Variants in LAMC3 observed in about 807,000 individuals in gnomAD.
LAMC3 encodes the protein laminin subunit gamma-3.
Under a neutral mutation model 173.8 loss-of-function variants are expected in LAMC3, and 128 were observed. The observed-to-expected ratio is 0.74, with a 90% CI of 0.64 to 0.85. The LOEUF is 0.85. Among genes scored for constraint, LAMC3 ranks in the 40% least tolerant of loss-of-function variants. LAMC3 has a pLI of 0.00. For synonymous variants in LAMC3, 897 were observed against 909.1 expected (o/e 0.99, Z 0.24); for missense variants, 2,022 against 2,156.0 (o/e 0.94, Z 1.23).
chr9:131,026,506 C>T lies in LAMC3; in HGVS notation c.595C>T (p.Pro199Ser). The T allele has an allele frequency of 1.2e-6, 2 of 1,613,220 alleles. No individual in the cohort carries two copies. The highest frequency in any genetic ancestry group is 1.7e-6 in the Non-Finnish European group (2 of 1,179,880). ...CACCTCTGAGTTCAGCGACATCTCC[C>T]CGCTGAGTGGCGGCAACGTGGCCTT... Reference protein sequence around the residue: ...FCTSEFSDISPLSGGNVAFST... With the variant: ...FCTSEFSDISSLSGGNVAFST... Residue 199 changes from proline to serine, a missense_variant, in exon 2 of 28, where the codon CCG (proline) becomes TCG (serine). Pro to Ser is a moderately conservative substitution (Grantham distance 74). Coordinates refer to ENST00000361069, the MANE Select transcript of LAMC3 (RefSeq NM_006059.4). The surrounding 1 kb of genome is among the most constrained non-coding windows in gnomAD (Gnocchi z 4.8).
In LAMC3 at chr9:131,026,458, G is replaced by A. The variant is rs1010124787; in HGVS notation, c.547G>A (p.Glu183Lys). Residue 183 changes from glutamate (E) to lysine (K), a missense_variant, in exon 2 of 28, where the codon GAG becomes AAG. Transcript: ENST00000361069. The surrounding 1 kb of genome is among the most constrained non-coding windows in gnomAD (Gnocchi z 4.8). Reference protein sequence around the residue: ...RPEGQYLRPGEDERVAFCTSE... With the variant: ...RPEGQYLRPGKDERVAFCTSE... The stretch of plus-strand genomic sequence containing the variant: ...CGAGGGCCAGTACCTGCGCCCCGGC[G>A]AGGACGAGCGCGTGGCCTTCTGCAC... The A allele has an allele frequency of 8.1e-6, 13 of 1,613,584 alleles. No homozygotes were observed. The highest frequency in any genetic ancestry group is 1.7e-5 in the Admixed American group (1 of 60,002).
chr9:131,083,335 A>G (rs1464825433), intron 24 of LAMC3, among the ~76,000 whole-genome samples: 1 of 152,136 alleles, frequency 6.6e-6, no homozygotes, highest in Non-Finnish European at 1.5e-5. Context: ...AGGAGGGCTA[A>G]CCTCAAACCT....
In LAMC3 at chr9:131,051,680, G is replaced by A. The variant is rs138473090; in HGVS notation, c.1631-811G>A. ...GCCAGGCTGCGTATTTTGTTCTTAC[G>A]AGGACAGTGGAAATACTGCACACAA... On this transcript the variant is annotated intron_variant, in intron 9 of 27. Coordinates refer to ENST00000361069, the MANE Select transcript of LAMC3 (RefSeq NM_006059.4). Among the ~76,000 whole-genome samples the A allele has an allele frequency of 2.0e-5, 3 of 152,184 alleles. No homozygotes were observed. The East Asian group carries it at 5.8e-4, about 29-fold the overall frequency.
chr9:131,050,256 C>T (rs1044750571), intron 9 of LAMC3, among the ~76,000 whole-genome samples: 18 of 152,202 alleles, frequency 1.2e-4, no homozygotes, highest in African/African-American at 3.1e-4. Flanking sequence ...CAGGCCGGCC[C>T]GCTCCCGGGG....
chr9:131,009,484 C>T lies in LAMC3; in HGVS notation c.270C>T (p.Tyr90=). 3.2e-6 allele frequency: 5 copies of T among 1,549,998 alleles called. No individual in the cohort carries two copies. The highest frequency in any genetic ancestry group is 4.4e-6 in the Non-Finnish European group (5 of 1,146,980). The change falls in exon 1 of 28, where the codon TAC becomes TAT. Residue 90 remains tyrosine, a synonymous_variant. Coordinates refer to ENST00000361069, the MANE Select transcript of LAMC3 (RefSeq NM_006059.4). The surrounding 1 kb of genome is among the most constrained non-coding windows in gnomAD (Gnocchi z 4.3). ...CCCAGCGCCACCACAACGCCTCCTA[C>T]CTCACCGACTTCCACAGCCAGGACG... ...ADPQRHHNAS[Y]LTDFHSQDES...
At chr9:131,068,631 T>C (rs887183915) in intron 15 of LAMC3, among the ~76,000 whole-genome samples, 2 of 152,194 alleles carry the variant, frequency 1.3e-5, no homozygotes, top group Non-Finnish European at 2.9e-5. Context: ...GAGCTCTTAC[T>C]ATGCTGATTG....
chr9:131,060,645 CTAATAATAATAATAATAA>C (rs10597678), intron 12 of LAMC3, among the ~76,000 whole-genome samples: 1 of 150,126 alleles, frequency 6.7e-6, no homozygotes, highest in Admixed American at 6.7e-5. Context: ...TCTGTCTCAA[CTAATAATAATAATAATAA>C]TAATAATAAC....
chr9:131,072,935 C>A, intron 19 of LAMC3, 100 bp downstream of exon 19: 2 of 1,061,334 alleles, frequency 1.9e-6, no homozygotes, highest in Non-Finnish European at 2.9e-6. Context: ...TGACTCCCCA[C>A]TTTGGGAGGC....
chr9:131,045,549 C>A lies in LAMC3; in HGVS notation c.1408C>A (p.Gln470Lys), dbSNP rs1391353151. Residue 470 changes from glutamine to lysine, a missense_variant, in exon 8 of 28, where the codon CAG becomes AAG. Coordinates refer to ENST00000361069, the MANE Select transcript of LAMC3 (RefSeq NM_006059.4). ...ATGTCGCCCGGGGACCTTTAACCTG[C>A]AGCCCCACAATCCAGCTGGCTGCAG... ...DRCRPGTFNL[Q>K]PHNPAGCSSC... 6.2e-7 allele frequency: 1 copy of A among 1,613,964 alleles called. No homozygotes were observed. Among genetic ancestry groups the A allele is most frequent in the Non-Finnish European group, 8.5e-7 (1 of 1,180,036 alleles).
At chr9:131,048,359 C>T (rs1034906751) in intron 8 of LAMC3, among the ~76,000 whole-genome samples, 2 of 152,116 alleles carry the variant, frequency 1.3e-5, no homozygotes, top group African/African-American at 4.8e-5. Flanking sequence ...GCCTGGCCTT[C>T]TAGTTCCTTC....
chr9:131,066,013 C>T (rs1003030218), intron 13 of LAMC3, among the ~76,000 whole-genome samples: 7 of 152,004 alleles, frequency 4.6e-5, no homozygotes, highest in South Asian at 2.1e-4. Context: ...GCCAATGTGG[C>T]GAAACCCCAT....
chr9:131,027,289 C>A (rs1373363189), intron 2 of LAMC3, among the ~76,000 whole-genome samples: 1 of 152,218 alleles, frequency 6.6e-6, no homozygotes, highest in African/African-American at 2.4e-5. Flanking sequence ...CAGGCCAGCA[C>A]CTGAGTGTCC....
Position 131,052,692 on chromosome 9 carries a change from C to T in LAMC3, c.1823+9C>T, listed in dbSNP as rs1227510668. ...GTAGAGCTCAGGTTCCAGTAAGTATCCCCTTCTGTCCTGAGAGATGGGGAG... is the reference window on the plus strand; with the variant it reads ...GTAGAGCTCAGGTTCCAGTAAGTATTCCCTTCTGTCCTGAGAGATGGGGAG... On this transcript the variant is annotated intron_variant, in intron 10 of 27. Transcript: ENST00000361069. The T allele has an allele frequency of 6.2e-7, 1 of 1,611,458 alleles. No homozygotes were observed. Among genetic ancestry groups the T allele is most frequent in the South Asian group, 1.1e-5 (1 of 90,998 alleles).
intron 1 of LAMC3, among the ~76,000 whole-genome samples, chr9:131,023,276 C>A (rs1332894767): frequency 6.6e-6 from 1 of 152,182 alleles, no homozygotes; most frequent in Non-Finnish European, 1.5e-5. Flanking sequence ...GTTTTCATTT[C>A]TCTTGGGTAT....
chr9:131,039,284 C>T, intron 6 of LAMC3, 36 bp downstream of exon 6: 1 of 1,525,334 alleles, frequency 6.6e-7, no homozygotes. Context: ...GGACACATTG[C>T]ACTGAATGAC....
chr9:131,038,819 C>T (rs561235924), intron 4 of LAMC3, 45 bp from the exon 5 acceptor site: 4 of 1,590,328 alleles, frequency 2.5e-6, no homozygotes, highest in Non-Finnish European at 3.4e-6. Context: ...AGCCTCCTAC[C>T]ACATCACAGG....
At chr9:131,089,485 C>G (rs1302057732) in intron 27 of LAMC3, among the ~76,000 whole-genome samples, 1 of 151,646 alleles carries the variant, frequency 6.6e-6, no homozygotes, top group East Asian at 1.9e-4. Flanking sequence ...TCAAGCGATT[C>G]TTCCACTTCA....
intron 3 of LAMC3, among the ~76,000 whole-genome samples, chr9:131,033,968 T>C (rs1016298807): frequency 2.6e-5 from 4 of 152,258 alleles, no homozygotes; most frequent in Admixed American, 2.0e-4. Flanking sequence ...AGAGCCCCTG[T>C]GGCCATGAGG....
At chr9:131,051,859 C>G (rs1834292243) in intron 9 of LAMC3, among the ~76,000 whole-genome samples, 1 of 151,858 alleles carries the variant, frequency 6.6e-6, no homozygotes, top group South Asian at 2.1e-4. Context: ...TGTGTCCTTT[C>G]CTCCTGGGTC....
Sources: allele counts gnomAD v4.1 joint callset (sites outside exome capture counted in the v4.1 genomes callset), GRCh38; gene constraint gnomAD v4.1.1; non-coding constraint Gnocchi (gnomAD v3.1); transcripts MANE v1.5; gene names NCBI Gene and HGNC (gene_info 2026-07-23, HGNC 2026-07-21).